KCNN2: variants seen among roughly 807,000 people sequenced by gnomAD.
KCNN2 encodes small conductance calcium-activated potassium channel protein 2.
Under a neutral mutation model 55.5 loss-of-function variants are expected in KCNN2, and 24 were observed. The observed-to-expected ratio is 0.43, with a 90% CI of 0.31 to 0.61. KCNN2 has a LOEUF of 0.61. KCNN2 is among the 20% of genes least tolerant of loss of function. KCNN2 has a pLI of 0.08. For missense variants in KCNN2, 754 were observed against 853.6 expected, an observed-to-expected ratio of 0.88 and a Z score of 1.45; for synonymous variants, 431 against 336.1, an observed-to-expected ratio of 1.28 and a Z score of -3.09.
intron 2 of KCNN2, among the ~76,000 whole-genome samples, chr5:114,259,637 T>C (rs1480136520): frequency 6.6e-6 from 1 of 151,740 alleles, no homozygotes; most frequent in Non-Finnish European, 1.5e-5. Flanking sequence ...AAAAAAAAAG[T>C]CCTCAAATCA....
At chr5:114,085,171 G>A (rs761272517) in intron 1 of KCNN2, among the ~76,000 whole-genome samples, 10 of 151,670 alleles carry the variant, frequency 6.6e-5, no homozygotes, top group East Asian at 1.9e-4. Context: ...TTTCTTCTTC[G>A]TTTTAGCTAG....
Position 114,241,804 on chromosome 5 carries a change from A to ATG in KCNN2, c.-185+20239_-185+20240insTG, listed in dbSNP as rs1561537246. Among the ~76,000 whole-genome samples, 5 of 22,988 alleles carry ATG rather than the reference A, an allele frequency of 2.2e-4. 2 individuals carry two copies. The highest frequency in any genetic ancestry group is 1.6e-3 in the South Asian group (1 of 640). The allele number at this position is 22,988 out of a possible 152,430, so 15.1% of individuals were successfully genotyped here. A position where few individuals can be genotyped will look rare whatever the true frequency, so the allele number is the denominator to read the frequency against. On this transcript the variant is annotated intron_variant, in intron 2 of 10. Transcript: ENST00000512097. ...TATACGTATATATATGTATATATAT[A>ATG]CGTATATATATATATGTGTGTATAT...
chr5:114,347,443 G>C (rs190841219), intron 2 of KCNN2, among the ~76,000 whole-genome samples: 1 of 152,174 alleles, frequency 6.6e-6, no homozygotes, highest in Non-Finnish European at 1.5e-5. Flanking sequence ...ACTAGGCTGC[G>C]TGCTTTATGT....
chr5:114,395,295 A>T (rs1393227986), intron 2 of KCNN2, among the ~76,000 whole-genome samples: 1 of 152,180 alleles, frequency 6.6e-6, no homozygotes, highest in East Asian at 1.9e-4. Flanking sequence ...ACATTTGGTT[A>T]TCTGAGCAAA....
chr5:114,435,157 T>A (rs1759961260), intron 3 of KCNN2, among the ~76,000 whole-genome samples: 1 of 126,542 alleles, frequency 7.9e-6, no homozygotes, highest in African/African-American at 3.0e-5. Context: ...GGACCAGGCC[T>A]TCCTGAGTTT....
intron 3 of KCNN2, among the ~76,000 whole-genome samples, chr5:114,437,225 G>T (rs1357028694): frequency 2.0e-5 from 3 of 151,970 alleles, no homozygotes; most frequent in Non-Finnish European, 4.4e-5. Flanking sequence ...TAGTAAATTT[G>T]GTACACAGAA....
intron 2 of KCNN2, among the ~76,000 whole-genome samples, chr5:114,234,057 T>C (rs1231688039): frequency 6.6e-6 from 1 of 152,036 alleles, no homozygotes; most frequent in Non-Finnish European, 1.5e-5. Flanking sequence ...TTCATCCTTA[T>C]ATCATTCATT....
At chr5:114,361,513 C>A (rs1757421093), upstream of KCNN2, among the ~76,000 whole-genome samples, 5 of 152,326 alleles carry the variant, frequency 3.3e-5, no homozygotes, top group South Asian at 8.3e-4. Context: ...AGTTACTTGG[C>A]GGGCAGCCGG....
chr5:114,375,858 T>G (rs1757912072), intron 2 of KCNN2, among the ~76,000 whole-genome samples: 1 of 150,844 alleles, frequency 6.6e-6, no homozygotes, highest in Non-Finnish European at 1.5e-5. Context: ...AACAACACAA[T>G]TCAGGGATGA....
intron 2 of KCNN2, among the ~76,000 whole-genome samples, chr5:114,403,212 G>A (rs541492966): frequency 6.6e-5 from 10 of 152,260 alleles, no homozygotes; most frequent in Non-Finnish European, 1.3e-4. Flanking sequence ...TGACTATTTG[G>A]AGTCTTGGTG....
chr5:114,201,915 T>C (rs1406649795), intron 1 of KCNN2, among the ~76,000 whole-genome samples: 2 of 149,396 alleles, frequency 1.3e-5, no homozygotes, highest in Non-Finnish European at 1.5e-5. Flanking sequence ...AGCATTGAAC[T>C]CTCAAAATTT....
intron 1 of KCNN2, among the ~76,000 whole-genome samples, chr5:114,154,378 G>T (rs1427523795): frequency 1.3e-5 from 2 of 152,036 alleles, no homozygotes; most frequent in Non-Finnish European, 2.9e-5. Flanking sequence ...TATTGAAGCT[G>T]CTCTAGGGCT....
Position 114,451,166 on chromosome 5 carries a change from T to G in KCNN2, c.1638-11883T>G, listed in dbSNP as rs565592587. On this transcript the variant is annotated intron_variant, in intron 3 of 7. Coordinates refer to ENST00000673685, the MANE Select transcript of KCNN2 (RefSeq NM_021614.4). Reference sequence around the variant, plus strand: ...GTAAATGCATAGTGAATAATAGAGTTAGAAAACAAAACCTCTTTGTCCTCT... The same window carrying G: ...GTAAATGCATAGTGAATAATAGAGTGAGAAAACAAAACCTCTTTGTCCTCT... Among the ~76,000 whole-genome samples, 6 of 152,308 alleles carry G rather than the reference T, an allele frequency of 3.9e-5. No homozygotes were observed. In the East Asian group the frequency reaches 7.7e-4, roughly 20 times the overall value.
intron 2 of KCNN2, among the ~76,000 whole-genome samples, chr5:114,247,041 C>G (rs1034297890): frequency 6.6e-6 from 1 of 151,146 alleles, no homozygotes; most frequent in South Asian, 2.1e-4. Flanking sequence ...CGGGCACTCA[C>G]GCCTGTAATC....
chr5:114,373,859 G>A (rs1757851566), intron 2 of KCNN2, among the ~76,000 whole-genome samples: 1 of 150,136 alleles, frequency 6.7e-6, no homozygotes, highest in African/African-American at 2.4e-5. Context: ...GGCCATTCAA[G>A]CAGTCTTTAT....
At chr5:114,321,073 A>G (rs183377681) in intron 2 of KCNN2, among the ~76,000 whole-genome samples, 5 of 152,262 alleles carry the variant, frequency 3.3e-5, no homozygotes, top group Middle Eastern at 6.8e-3. Flanking sequence ...ATTTCACTCA[A>G]TTCTACAATT....
At chr5:114,224,230 A>G (rs1206322361) in intron 2 of KCNN2, among the ~76,000 whole-genome samples, 1 of 152,218 alleles carries the variant, frequency 6.6e-6, no homozygotes, top group African/African-American at 2.4e-5. Context: ...CTTAACAATG[A>G]ATATGGGGAA....
intron 2 of KCNN2, among the ~76,000 whole-genome samples, chr5:114,251,749 G>A (rs1016537944): frequency 6.6e-6 from 1 of 152,070 alleles, no homozygotes; most frequent in East Asian, 1.9e-4. Flanking sequence ...ATTTTCCTCA[G>A]ATAGTGTAGA....
At chr5:114,132,497 T>TA (rs1392356441) in intron 1 of KCNN2, among the ~76,000 whole-genome samples, 1 of 152,232 alleles carries the variant, frequency 6.6e-6, no homozygotes, top group Non-Finnish European at 1.5e-5. Context: ...ACAGGATTCT[T>TA]AAAATCATAA....
Sources: allele counts gnomAD v4.1 joint callset (sites outside exome capture counted in the v4.1 genomes callset), GRCh38; gene constraint gnomAD v4.1.1; transcripts MANE v1.5; gene names NCBI Gene and HGNC (gene_info 2026-07-23, HGNC 2026-07-21).